The following EXT2 variants were observed in gnomAD, a reference collection of about 807,000 sequenced individuals.
EXT2 encodes the protein exostosin glycosyltransferase 2.
EXT2 carries 53 observed loss-of-function variants against 81.6 expected under a neutral mutation model. The observed-to-expected ratio is 0.65, with a 90% CI of 0.52 to 0.82. EXT2 has a LOEUF of 0.82. Among genes scored for constraint, EXT2 ranks in the 40% least tolerant of loss-of-function variants. The pLI is 0.00. For missense variants in EXT2, 774 were observed against 910.2 expected (o/e 0.85, Z 1.93); for synonymous variants, 320 against 340.0 (o/e 0.94, Z 0.65).
intron 10 of EXT2, among the ~76,000 whole-genome samples, chr11:44,213,397 G>A (rs534776491): frequency 3.9e-4 from 59 of 152,096 alleles, no homozygotes; most frequent in Non-Finnish European, 7.1e-4. Flanking sequence ...ATTAACAGAC[G>A]CCAACAAGGT....
chr11:44,232,570 T>C, intron 11 of EXT2, 74 bp downstream of exon 11: 1 of 1,576,382 alleles, frequency 6.3e-7, no homozygotes, highest in Non-Finnish European at 8.7e-7. Flanking sequence ...CAATTTAATT[T>C]TTCATACCTG....
intron 5 of EXT2, among the ~76,000 whole-genome samples, chr11:44,126,212 G>A (rs1043171813): frequency 1.3e-5 from 2 of 152,112 alleles, no homozygotes; most frequent in Non-Finnish European, 2.9e-5. Context: ...GAGTGAATGA[G>A]GAAGAAATTT....
At chr11:44,142,008 A>G (rs1356350617) in intron 7 of EXT2, among the ~76,000 whole-genome samples, 1 of 152,234 alleles carries the variant, frequency 6.6e-6, no homozygotes, top group African/African-American at 2.4e-5. Context: ...TTGGTAGAGA[A>G]CTCAGTGTTT....
In EXT2 at chr11:44,114,266, G is replaced by A. The variant is rs1181876106; in HGVS notation, c.708G>A (p.Leu236=). 1 of 1,614,086 alleles carries A rather than the reference G, an allele frequency of 6.2e-7. No homozygotes were observed. The highest frequency in any genetic ancestry group is 1.3e-5 in the African/African-American group (1 of 75,052). The part of the protein sequence containing the change: ...YDVSIPVYSP[L]SAEVDLPEKG... The stretch of plus-strand genomic sequence containing the variant: ...TCAGCATTCCTGTCTATAGTCCACT[G>A]TCAGCTGAGGTGGATCTTCCAGAGA... The change falls in exon 4 of 14, where the codon CTG becomes CTA. Residue 236 remains leucine, a synonymous_variant. Transcript: ENST00000533608.
intron 13 of EXT2, among the ~76,000 whole-genome samples, chr11:44,239,689 CTTTTTTTTTTTTTT>C (rs397849292): frequency 3.5e-5 from 3 of 85,340 alleles, no homozygotes; most frequent in African/African-American, 5.0e-5. Context: ...CCCTGCCTGG[CTTTTTTTTTTTTTT>C]TTTTTTTTTT....
chr11:44,131,955 C>G (rs567507086), intron 7 of EXT2, among the ~76,000 whole-genome samples: 9 of 152,150 alleles, frequency 5.9e-5, no homozygotes, highest in African/African-American at 2.2e-4. Context: ...CCAGGCTGGT[C>G]GAACTCTTGA....
In EXT2 at chr11:44,149,601, T is replaced by C. The variant is rs149535996; in HGVS notation, c.1173+19463T>C. On this transcript the variant is annotated intron_variant, in intron 7 of 13. Transcript: ENST00000533608. ...CTTACATGAGTACACTATTTTGATATCAGAAAGTATTGTCCTGGACTTCAT... is the reference window on the plus strand; with the variant it reads ...CTTACATGAGTACACTATTTTGATACCAGAAAGTATTGTCCTGGACTTCAT... 2.8e-3 allele frequency among the ~76,000 whole-genome samples: 433 copies of C among 152,336 alleles called. 1 individual carries two copies. Among genetic ancestry groups the C allele is most frequent in the Middle Eastern group, 0.01 (3 of 294 alleles).
At chr11:44,106,046 G>A (rs1473893679) in intron 1 of EXT2, among the ~76,000 whole-genome samples, 2 of 152,150 alleles carry the variant, frequency 1.3e-5, no homozygotes, top group African/African-American at 4.8e-5. Context: ...AGAGCATGGC[G>A]GCTGGATTCG....
intron 4 of EXT2, among the ~76,000 whole-genome samples, chr11:44,119,657 A>C (rs1954288341): frequency 6.6e-6 from 1 of 152,248 alleles, no homozygotes; most frequent in African/African-American, 2.4e-5. Flanking sequence ...TATCAGTTCC[A>C]GGGATGATGG....
Position 44,197,827 on chromosome 11 carries a change from A to C in EXT2, c.1306-2A>C. 6.2e-7 allele frequency: 1 copy of C among 1,613,954 alleles called. No individual in the cohort carries two copies. ...GACCCGTGTTAATCTGTCCTCTTGT[A>C]GAAGTGGGGCAGCGTGAGCAATCCA... is the stretch of plus-strand genomic sequence containing the variant. On this transcript the variant is annotated splice_acceptor_variant, in intron 8 of 13. Coordinates refer to ENST00000533608, the MANE Select transcript of EXT2 (RefSeq NM_207122.2). LOFTEE classifies it high-confidence loss of function.
intron 7 of EXT2, among the ~76,000 whole-genome samples, chr11:44,165,618 C>A (rs1266204888): frequency 6.6e-6 from 1 of 152,116 alleles, no homozygotes; most frequent in Non-Finnish European, 1.5e-5. Flanking sequence ...TTCTATAAAT[C>A]CCAAAAGCTG....
intron 9 of EXT2, among the ~76,000 whole-genome samples, chr11:44,199,496 A>G (rs1406333059): frequency 6.6e-6 from 1 of 152,254 alleles, no homozygotes; most frequent in Non-Finnish European, 1.5e-5. Flanking sequence ...CAGTAGTCAC[A>G]GGCCTGTATT....
intron 7 of EXT2, among the ~76,000 whole-genome samples, chr11:44,146,207 G>GCC (rs2135069938): frequency 6.6e-6 from 1 of 152,288 alleles, no homozygotes; most frequent in African/African-American, 2.4e-5. Flanking sequence ...TTGGATCAGG[G>GCC]CCCACCCTAA....
chr11:44,097,772 AT>A (rs777226933), intron 1 of EXT2, among the ~76,000 whole-genome samples: 2,036 of 126,670 alleles, frequency 0.016, 81 homozygotes, highest in African/African-American at 0.046. Flanking sequence ...AAATAAATAA[AT>A]AAATAAATAA....
intron 10 of EXT2, among the ~76,000 whole-genome samples, chr11:44,211,134 T>C (rs1955642983): frequency 1.3e-5 from 2 of 151,870 alleles, no homozygotes; most frequent in Admixed American, 1.3e-4. Flanking sequence ...GAATAAAGAG[T>C]TTAGAAATGG....
chr11:44,118,437 A>G (rs1383470214), intron 4 of EXT2, among the ~76,000 whole-genome samples: 2 of 152,218 alleles, frequency 1.3e-5, no homozygotes, highest in Non-Finnish European at 2.9e-5. Context: ...AGTTTAAAAA[A>G]TTTTACACTG....
chr11:44,193,975 C>T (rs1955425138), intron 8 of EXT2, among the ~76,000 whole-genome samples: 2 of 152,236 alleles, frequency 1.3e-5, no homozygotes, highest in South Asian at 4.1e-4. Flanking sequence ...GAGACCCGAT[C>T]TGTTGTCTTG....
At chr11:44,231,465 G>A (rs1408339573) in intron 10 of EXT2, among the ~76,000 whole-genome samples, 5 of 152,128 alleles carry the variant, frequency 3.3e-5, no homozygotes, top group South Asian at 2.1e-4. Context: ...AGGAACATTC[G>A]GGGCTAAACA....
In EXT2 at chr11:44,095,733, C is replaced by G. The variant is rs572718799; in HGVS notation, c.-150C>G. The G allele has an allele frequency of 6.5e-6, 1 of 153,826 alleles. No individual in the cohort carries two copies. The highest frequency in any genetic ancestry group is 1.4e-5 in the Non-Finnish European group (1 of 69,292). The allele number at this position is 153,826 out of a possible 1,614,324, so 9.5% of individuals were successfully genotyped here. On this transcript the variant is annotated 5_prime_UTR_variant, in exon 1 of 14. Transcript: ENST00000533608. ...CGCTCGCTGCTCGCCAGCCCAGACT[C>G]GGCCCTGGCAGTGGCGGCTGGCGAT...
Sources: gnomAD v4.1 joint callset for allele counts (sites outside exome capture counted in the v4.1 genomes callset) on GRCh38, gnomAD v4.1.1 for gene constraint, MANE v1.5 for transcripts, NCBI Gene and HGNC (gene_info 2026-07-23, HGNC 2026-07-21) for gene names.